The following GALK2 variants were observed in gnomAD, a reference collection of about 807,000 sequenced individuals.
The protein encoded by GALK2 is galactokinase 2, also known as N-acetylgalactosamine kinase.
Under a neutral mutation model 52.4 loss-of-function variants are expected in GALK2, and 36 were observed. The ratio of observed to expected loss-of-function variants is 0.69; its 90% confidence interval spans 0.53 to 0.91. The LOEUF (loss-of-function observed/expected upper bound fraction) is 0.91, where lower values mean the gene tolerates loss of function less well. Ranked by LOEUF, GALK2 falls within the 40% of genes least tolerant of loss-of-function variation. The probability of loss-of-function intolerance (pLI) is 0.00; values close to 1 mark genes in which losing one functional copy is unlikely to be tolerated. For synonymous variants in GALK2, 176 were observed against 199.1 expected (o/e 0.88, Z 0.98); for missense variants, 579 against 559.1 (o/e 1.04, Z -0.36).
chr15:49,328,062 C>CTTA lies in GALK2; in HGVS notation c.1284_1286dup (p.Tyr429dup). 1 of 1,614,034 alleles carries CTTA rather than the reference C, an allele frequency of 6.2e-7. No homozygotes were observed. The highest frequency in any genetic ancestry group is 8.5e-7 in the Non-Finnish European group (1 of 1,179,968). The stretch of plus-strand genomic sequence containing the variant: ...AGCTTTCTAGCAAATGTGCACAAAG[C>CTTA]TTATTACCAGAGGAGTGATGGAAGC... On this transcript the variant is annotated inframe_insertion, in exon 10 of 10. Transcript: ENST00000560031.
intron 5 of GALK2, among the ~76,000 whole-genome samples, chr15:49,276,364 G>T (rs2031659510): frequency 2.0e-5 from 3 of 152,246 alleles, no homozygotes; most frequent in Middle Eastern, 3.4e-3. Flanking sequence ...TAGCCATCAG[G>T]TAGAAATATG....
At position 49,283,591 on chromosome 15, in the gene GALK2, T is replaced by C; in HGVS notation, c.629T>C (p.Leu210Pro). 6.2e-7 allele frequency: 1 copy of C among 1,613,900 alleles called. No individual in the cohort carries two copies. Among genetic ancestry groups the C allele is most frequent in the African/African-American group, 1.3e-5 (1 of 75,050 alleles). ...GTAKLIEFSP[L>P]RATDVKLPSG... ...GCCAAGTTGATAGAATTTAGTCCTC[T>C]GAGGGCAACCGATGTAAAACTCCCA... The change falls in exon 7 of 10, where the codon CTG becomes CCG. Residue 210 changes from leucine (L) to proline (P), a missense_variant. Leu to Pro is a moderately conservative substitution (Grantham distance 98). Coordinates refer to ENST00000560031, the MANE Select transcript of GALK2 (RefSeq NM_002044.4).
At chr15:49,215,189 A>G (rs913736738) in intron 2 of GALK2, among the ~76,000 whole-genome samples, 2 of 152,126 alleles carry the variant, frequency 1.3e-5, no homozygotes, top group Admixed American at 1.3e-4. Flanking sequence ...TGATTAATAT[A>G]TTAACTGAGT....
At chr15:49,360,306 C>G (rs1327214360) in intron 3 of GALK2, among the ~76,000 whole-genome samples, 1 of 151,146 alleles carries the variant, frequency 6.6e-6, no homozygotes, top group Non-Finnish European at 1.5e-5. Context: ...TAACATTGTA[C>G]TCATTATGAC....
chr15:49,262,963 TCTG>T (rs1330840515), intron 5 of GALK2, among the ~76,000 whole-genome samples: 1 of 145,268 alleles, frequency 6.9e-6, no homozygotes, highest in East Asian at 2.0e-4. Context: ...TTCTTTTACA[TCTG>T]CTGAGGAGAG....
intron 1 of GALK2, among the ~76,000 whole-genome samples, chr15:49,159,530 C>T (rs956647729): frequency 6.0e-5 from 9 of 149,544 alleles, no homozygotes; most frequent in African/African-American, 2.0e-4. Flanking sequence ...GAGCCGAGAT[C>T]GCACCATTGC....
intron 5 of GALK2, among the ~76,000 whole-genome samples, chr15:49,241,622 G>C (rs2091098545): frequency 6.6e-6 from 1 of 152,134 alleles, no homozygotes; most frequent in Non-Finnish European, 1.5e-5. Context: ...GTCTATAAGG[G>C]GTAAGAAAGT....
At chr15:49,344,839 A>G (rs2041238709) in intron 3 of GALK2, among the ~76,000 whole-genome samples, 1 of 152,206 alleles carries the variant, frequency 6.6e-6, no homozygotes, top group Non-Finnish European at 1.5e-5. Context: ...GTTACTTTTA[A>G]TGCCCGTCTT....
chr15:49,316,708 A>G (rs911044664), intron 8 of GALK2, among the ~76,000 whole-genome samples: 25 of 152,228 alleles, frequency 1.6e-4, no homozygotes, highest in South Asian at 1.0e-3. Flanking sequence ...AGAAAAAGTA[A>G]TCATAGTTTA....
At chr15:49,262,128 T>G (rs367621702) in intron 5 of GALK2, among the ~76,000 whole-genome samples, 35,096 of 151,028 alleles carry the variant, frequency 0.23, 4,222 homozygotes, top group South Asian at 0.28. Flanking sequence ...GATTGGAATA[T>G]TTTCAGAAGG....
In GALK2 at chr15:49,331,702, T is replaced by A; in HGVS notation, c.*3543T>A. The A allele has an allele frequency of 1.1e-6, 1 of 901,620 alleles. No homozygotes were observed. The highest frequency in any genetic ancestry group is 1.8e-6 in the Non-Finnish European group (1 of 542,722). The allele number at this position is 901,620 out of a possible 1,614,324, so 55.9% of individuals were successfully genotyped here. A position where few individuals can be genotyped will look rare whatever the true frequency, so the allele number is the denominator to read the frequency against. ...GTAATTTGGGTGTGCCACCATACAT[T>A]GCTTATGAAATATTGTCCAGTCTAT... is the stretch of plus-strand genomic sequence containing the variant. On this transcript the variant is annotated 3_prime_UTR_variant, in exon 10 of 10. Coordinates refer to ENST00000560031, the MANE Select transcript of GALK2 (RefSeq NM_002044.4).
downstream of GALK2, among the ~76,000 whole-genome samples, chr15:49,336,371 G>A (rs547669739): frequency 4.9e-4 from 75 of 152,324 alleles, no homozygotes; most frequent in Admixed American, 1.4e-3. Flanking sequence ...CCTTTGAAGT[G>A]GCAATTGGCC....
intron 2 of GALK2, among the ~76,000 whole-genome samples, chr15:49,216,409 T>G (rs1211180890): frequency 6.6e-6 from 1 of 152,234 alleles, no homozygotes; most frequent in Non-Finnish European, 1.5e-5. Context: ...GACAGTCTTC[T>G]GTACTCTTCC....
intron 3 of GALK2, among the ~76,000 whole-genome samples, chr15:49,362,927 GGTA>G (rs2044502144): frequency 6.6e-6 from 1 of 151,986 alleles, no homozygotes; most frequent in Admixed American, 6.6e-5. Flanking sequence ...AAGGTTAGAT[GGTA>G]GTAGGTGTGC....
chr15:49,165,951 C>T (rs2084806092), upstream of GALK2, among the ~76,000 whole-genome samples: 1 of 151,794 alleles, frequency 6.6e-6, no homozygotes, highest in Non-Finnish European at 1.5e-5. Context: ...TACAGGCGCC[C>T]ACCACCACGC....
intron 3 of GALK2, among the ~76,000 whole-genome samples, chr15:49,351,806 T>C (rs1596399775): frequency 6.6e-6 from 1 of 152,224 alleles, no homozygotes; most frequent in East Asian, 1.9e-4. Flanking sequence ...TGTTCTGAAT[T>C]GGGGCTAAGG....
At chr15:49,364,779 A>T (rs1280539331) in intron 3 of GALK2, among the ~76,000 whole-genome samples, 1 of 152,168 alleles carries the variant, frequency 6.6e-6, no homozygotes, top group Non-Finnish European at 1.5e-5. Context: ...ACTCACTTTG[A>T]TAGTAATACT....
chr15:49,156,621 A>C (rs2084464413), intron 1 of GALK2: 5 of 522,410 alleles, frequency 9.6e-6, no homozygotes, highest in Non-Finnish European at 1.9e-5. Context: ...AAAGGCCATC[A>C]CTTTGATATG....
chr15:49,210,880 G>A (rs2141351625), intron 2 of GALK2, among the ~76,000 whole-genome samples: 1 of 151,956 alleles, frequency 6.6e-6, no homozygotes, highest in East Asian at 1.9e-4. Context: ...CTGAGTAGCT[G>A]GGATTACAGG....
Sources: allele counts gnomAD v4.1 joint callset (sites outside exome capture counted in the v4.1 genomes callset), GRCh38; gene constraint gnomAD v4.1.1; transcripts MANE v1.5; gene names NCBI Gene and HGNC (gene_info 2026-07-23, HGNC 2026-07-21).